The following ALG9 variants were observed in gnomAD, a reference collection of about 807,000 sequenced individuals.
ALG9 encodes ALG9 alpha-1,2-mannosyltransferase.
ALG9 carries 55 observed loss-of-function variants against 81.8 expected under a neutral mutation model. That is an observed-to-expected ratio of 0.67 (90% confidence interval 0.54 to 0.84). The LOEUF is 0.84. Among genes scored for constraint, ALG9 ranks in the 40% least tolerant of loss-of-function variants. ALG9 has a pLI of 0.00. For missense variants in ALG9, 629 were observed against 745.0 expected (o/e 0.84, Z 1.81); for synonymous variants, 278 against 274.3 (o/e 1.01, Z -0.13).
intron 13 of ALG9, among the ~76,000 whole-genome samples, chr11:111,816,224 G>A (rs973485248): frequency 6.6e-6 from 1 of 152,172 alleles, no homozygotes; most frequent in African/African-American, 2.4e-5. Flanking sequence ...AAGCAAAAAA[G>A]GAATCTTCTA....
Position 111,871,369 on chromosome 11 carries a change from G to C in ALG9, c.114C>G (p.Gly38=), listed in dbSNP as rs1555158749. 3 of 1,531,288 alleles carry C rather than the reference G, an allele frequency of 2.0e-6. No individual in the cohort carries two copies. The highest frequency in any genetic ancestry group is 2.4e-5 in the South Asian group (2 of 83,756). The allele number at this position is 1,531,288 out of a possible 1,614,324, so 94.9% of individuals were successfully genotyped here. A position where few individuals can be genotyped will look rare whatever the true frequency, so the allele number is the denominator to read the frequency against. Residue 38 remains glycine, a synonymous_variant, in exon 1 of 15, where the codon GGC becomes GGG. Coordinates refer to ENST00000616540, the MANE Select transcript of ALG9 (RefSeq NM_024740.2). ...ACACGTACTCGGTCCGGTGCTCCGCGCCGCCCGCCTCTCGGCTGCCCAGCA... is the reference window on the plus strand; with the variant it reads ...ACACGTACTCGGTCCGGTGCTCCGCCCCGCCCGCCTCTCGGCTGCCCAGCA... The part of the protein sequence containing the change: ...RELLGSREAG[G]AEHRTELSGN...
intron 6 of ALG9, among the ~76,000 whole-genome samples, chr11:111,857,108 A>AAAAT (rs1216706935): frequency 6.6e-6 from 1 of 152,204 alleles, no homozygotes; most frequent in African/African-American, 2.4e-5. Context: ...ACTCCGTCTC[A>AAAAT]AAATAAATAA....
rs782680780 is a variant in ALG9 at position 111,782,883 on chromosome 11, T to C, written c.*3514A>G. 7 of 152,246 alleles carry C rather than the reference T, an allele frequency of 4.6e-5. No homozygotes were observed. The highest frequency in any genetic ancestry group is 1.0e-4 in the Non-Finnish European group (7 of 68,042). The allele number at this position is 152,246 out of a possible 1,614,324, so 9.4% of individuals were successfully genotyped here. On this transcript the variant is annotated 3_prime_UTR_variant, in exon 15 of 15. Coordinates refer to ENST00000616540, the MANE Select transcript of ALG9 (RefSeq NM_024740.2). The stretch of plus-strand genomic sequence containing the variant: ...ATCATGATTTAAAACAAAGGGTCTA[T>C]TTCCAAACTTGAATTCGGTAATAAA...
Position 111,786,496 on chromosome 11 carries a change from G to C in ALG9, c.1758C>G (p.Phe586Leu). ...ASRSSKLLRA[F>L]YVPFLSDQYT... ...ACTGATCTGACAGGAAGGGGACATA[G>C]AATGCCCGCAGCAGCTTTGAAGATC... Residue 586 changes from phenylalanine to leucine, a missense_variant, in exon 15 of 15, where the codon TTC becomes TTG. Phe to Leu is a conservative substitution (Grantham distance 22). Transcript: ENST00000616540. The C allele has an allele frequency of 6.2e-7, 1 of 1,614,020 alleles. No homozygotes were observed. The highest frequency in any genetic ancestry group is 8.5e-7 in the Non-Finnish European group (1 of 1,179,970).
At chr11:111,809,553 G>A in intron 14 of ALG9, 90 bp downstream of exon 14, 2 of 1,502,234 alleles carry the variant, frequency 1.3e-6, no homozygotes, top group Non-Finnish European at 1.8e-6. Flanking sequence ...GGCTACTAGA[G>A]TCAACCCAGG....
the ALG9 span, chr11:111,768,548 C>G: frequency 6.6e-6 from 1 of 151,500 alleles, no homozygotes; most frequent in East Asian, 1.9e-4. Context: ...TCACTTGAGC[C>G]TAGGGGTTCA....
chr11:111,786,535 A>G lies in ALG9; in HGVS notation c.1734-15T>C, dbSNP rs368253352. ...GCTTTGAAGATCTGAAAAACAAGGG[A>G]TAAAAAAAAGAATTTTATCACTTGG... On this transcript the variant is annotated splice_polypyrimidine_tract_variant and intron_variant, in intron 14 of 14. Transcript: ENST00000616540. 74 of 1,613,556 alleles carry G rather than the reference A, an allele frequency of 4.6e-5. No homozygotes were observed. Among genetic ancestry groups the G allele is most frequent in the Non-Finnish European group, 5.9e-5 (70 of 1,179,720 alleles).
At chr11:111,821,793 G>A (rs1473905941) in intron 13 of ALG9, among the ~76,000 whole-genome samples, 1 of 151,926 alleles carries the variant, frequency 6.6e-6, no homozygotes, top group Admixed American at 6.6e-5. Flanking sequence ...CTGTCACCAC[G>A]CCCAGCTAAT....
chr11:111,799,209 C>T (rs782353557), intron 14 of ALG9, among the ~76,000 whole-genome samples: 6 of 152,060 alleles, frequency 3.9e-5, no homozygotes, highest in East Asian at 1.9e-4. Context: ...TGCAGTGGTG[C>T]GATCTCGGCT....
intron 14 of ALG9, among the ~76,000 whole-genome samples, chr11:111,792,565 G>C (rs781922280): frequency 9.9e-5 from 15 of 152,152 alleles, no homozygotes; most frequent in African/African-American, 1.4e-4. Flanking sequence ...TCTTGCTAAG[G>C]ACAAACATGG....
intron 14 of ALG9, among the ~76,000 whole-genome samples, chr11:111,797,088 G>A (rs1565638626): frequency 6.6e-6 from 1 of 152,138 alleles, no homozygotes; most frequent in Non-Finnish European, 1.5e-5. Flanking sequence ...GATGGAGAAC[G>A]GCATTGCAAG....
intron 9 of ALG9, among the ~76,000 whole-genome samples, chr11:111,844,055 T>C (rs1202128527): frequency 6.6e-6 from 1 of 151,716 alleles, no homozygotes; most frequent in Non-Finnish European, 1.5e-5. Flanking sequence ...TCAGCTGGAG[T>C]GCAGCGGCGC....
At chr11:111,854,878 T>G (rs1356622801) in intron 6 of ALG9, among the ~76,000 whole-genome samples, 1 of 152,234 alleles carries the variant, frequency 6.6e-6, no homozygotes. Flanking sequence ...GCACAAAGCA[T>G]TCAATGAATG....
rs781864676 is a variant in ALG9 at position 111,860,614 on chromosome 11, C to T, written c.498G>A (p.Gly166=). The change falls in exon 5 of 15, where the codon GGG becomes GGA. Residue 166 remains glycine (G), a synonymous_variant. Transcript: ENST00000616540. ...YFYKAVCKKF[G]LHVSRMMLAF... ...CTAGCATCATTCGACTCACGTGCAA[C>T]CCAAACTTCTTGCACACAGCCCTAG... 19 of 1,613,734 alleles carry T rather than the reference C, an allele frequency of 1.2e-5. No homozygotes were observed. Among genetic ancestry groups the T allele is most frequent in the East Asian group, 2.2e-5 (1 of 44,888 alleles).
intron 13 of ALG9, among the ~76,000 whole-genome samples, chr11:111,827,435 A>T (rs117674357): frequency 6.6e-6 from 1 of 152,160 alleles, no homozygotes; most frequent in Non-Finnish European, 1.5e-5. Context: ...GAGATGGGCA[A>T]TAAGAGTGAA....
rs555145950 is a variant in ALG9 at position 111,862,496 on chromosome 11, A to G, written c.477-1861T>C. On this transcript the variant is annotated intron_variant, in intron 4 of 14. Coordinates refer to ENST00000616540, the MANE Select transcript of ALG9 (RefSeq NM_024740.2). ...TGATCCACCTGCCTCGGCCTCCCTA[A>G]GTGCTGGGATTACAGGCATAAAACA... Among the ~76,000 whole-genome samples the G allele has an allele frequency of 4.6e-5, 7 of 151,364 alleles. No homozygotes were observed. The South Asian group carries it at 1.5e-3, about 32-fold the overall frequency.
intron 12 of ALG9, among the ~76,000 whole-genome samples, chr11:111,837,093 T>C (rs781935578): frequency 9.9e-5 from 15 of 152,188 alleles, no homozygotes; most frequent in Admixed American, 4.6e-4. Flanking sequence ...AAGAATGTCT[T>C]CTCTCTTCTA....
chr11:111,809,847 T>C (rs1555089519), intron 13 of ALG9, 74 bp from the exon 14 acceptor site: 1 of 1,551,838 alleles, frequency 6.4e-7, no homozygotes, highest in Admixed American at 1.7e-5. Flanking sequence ...GCAATTGCAA[T>C]CCTAAAAATT....
chr11:111,848,920 T>C (rs532228758), intron 8 of ALG9, among the ~76,000 whole-genome samples: 41 of 152,140 alleles, frequency 2.7e-4, no homozygotes, highest in Non-Finnish European at 5.3e-4. Context: ...TTCCCTATCT[T>C]TCCCCTGTAG....
Sources: gnomAD v4.1 joint callset for allele counts (sites outside exome capture counted in the v4.1 genomes callset) on GRCh38, gnomAD v4.1.1 for gene constraint, MANE v1.5 for transcripts, NCBI Gene and HGNC (gene_info 2026-07-23, HGNC 2026-07-21) for gene names.